ANKFN1: variants seen among roughly 807,000 people sequenced by gnomAD.
ANKFN1 encodes ankyrin repeat and fibronectin type-III domain-containing protein 1.
A neutral mutation model predicts 108.7 loss-of-function variants in ANKFN1; 74 were observed. The ratio of observed to expected loss-of-function variants is 0.68; its 90% CI spans 0.56 to 0.83. ANKFN1 has a LOEUF of 0.83. Among genes scored for constraint, ANKFN1 ranks in the 40% least tolerant of loss-of-function variants. The pLI is 0.00. For missense variants in ANKFN1, 1,505 were observed against 1,382.3 expected, an observed-to-expected ratio of 1.09 and a Z score of -1.41; for synonymous variants, 547 against 516.2, an observed-to-expected ratio of 1.06 and a Z score of -0.81.
intron 4 of ANKFN1, among the ~76,000 whole-genome samples, chr17:56,343,780 C>T (rs531241408): frequency 6.6e-6 from 1 of 152,068 alleles, no homozygotes; most frequent in South Asian, 2.1e-4. Flanking sequence ...TTTCACTCCT[C>T]ATACTGGATA....
intron 19 of ANKFN1, among the ~76,000 whole-genome samples, chr17:56,494,665 G>C (rs2051142185): frequency 6.6e-6 from 1 of 152,054 alleles, no homozygotes; most frequent in Non-Finnish European, 1.5e-5. Context: ...TGATCTCTGG[G>C]GACCTCAATT....
intron 8 of ANKFN1, among the ~76,000 whole-genome samples, chr17:56,439,698 G>A (rs1598611918): frequency 6.6e-6 from 1 of 152,146 alleles, no homozygotes; most frequent in African/African-American, 2.4e-5. Flanking sequence ...AAAAGAAGGT[G>A]TCAAATGATG....
At chr17:56,250,684 G>T (rs1265319669) in intron 3 of ANKFN1, among the ~76,000 whole-genome samples, 3 of 152,152 alleles carry the variant, frequency 2.0e-5, no homozygotes, top group African/African-American at 7.2e-5. Flanking sequence ...AGTTGATTAG[G>T]AAATATGGTG....
intron 6 of ANKFN1, chr17:56,367,981 AG>A (rs914913710): frequency 4.8e-5 from 11 of 230,974 alleles, no homozygotes; most frequent in Non-Finnish European, 9.8e-5. Flanking sequence ...GTTTAGATGA[AG>A]ATCATGAATA....
chr17:56,393,231 A>G (rs779453644), intron 8 of ANKFN1, among the ~76,000 whole-genome samples: 1 of 152,086 alleles, frequency 6.6e-6, no homozygotes, highest in Non-Finnish European at 1.5e-5. Flanking sequence ...AACTCTTCCT[A>G]CCTAACATCA....
chr17:56,156,907 GC>G (rs1425074451), intron 1 of ANKFN1, among the ~76,000 whole-genome samples: 1 of 152,154 alleles, frequency 6.6e-6, no homozygotes, highest in Non-Finnish European at 1.5e-5. Flanking sequence ...AGACAGTGTA[GC>G]CCCAAAAAGC....
intron 4 of ANKFN1, among the ~76,000 whole-genome samples, chr17:56,136,032 G>T (rs1362115227): frequency 6.6e-6 from 1 of 152,150 alleles, no homozygotes; most frequent in African/African-American, 2.4e-5. Flanking sequence ...AACAATAAAA[G>T]AGATTTTTAG....
At chr17:56,336,151 A>G (rs1222732366) in intron 4 of ANKFN1, among the ~76,000 whole-genome samples, 1 of 152,184 alleles carries the variant, frequency 6.6e-6, no homozygotes, top group African/African-American at 2.4e-5. Context: ...ATCGATGTTC[A>G]TCAGGGATAT....
At chr17:56,137,262 G>T (rs1400606149) in intron 4 of ANKFN1, among the ~76,000 whole-genome samples, 1 of 152,182 alleles carries the variant, frequency 6.6e-6, no homozygotes, top group Non-Finnish European at 1.5e-5. Context: ...GGCTTTGGAG[G>T]TTTGTGGATG....
At chr17:56,087,824 A>G (rs548707242) in intron 4 of ANKFN1, among the ~76,000 whole-genome samples, 9 of 151,532 alleles carry the variant, frequency 5.9e-5, no homozygotes, top group Admixed American at 1.3e-4. Flanking sequence ...TTGGCACTGC[A>G]ATGTCAGGGT....
At chr17:56,317,117 C>CAG (rs1253020240) in intron 3 of ANKFN1, among the ~76,000 whole-genome samples, 1 of 152,088 alleles carries the variant, frequency 6.6e-6, no homozygotes, top group Non-Finnish European at 1.5e-5. Context: ...TTCTTTGTGG[C>CAG]AGAGAAGTTC....
chr17:56,333,922 C>T (rs911612371), intron 4 of ANKFN1, among the ~76,000 whole-genome samples: 3 of 152,094 alleles, frequency 2.0e-5, no homozygotes, highest in African/African-American at 4.8e-5. Flanking sequence ...ACCAGCCCAC[C>T]TTTGACCAAC....
chr17:56,261,458 G>A (rs1373711963), intron 3 of ANKFN1, among the ~76,000 whole-genome samples: 1 of 151,660 alleles, frequency 6.6e-6, no homozygotes, highest in Non-Finnish European at 1.5e-5. Context: ...ATGAAAGGGA[G>A]TTTATTAAGG....
At position 56,430,853 on chromosome 17, in the gene ANKFN1, T is replaced by A. The variant is rs186520352; in HGVS notation, c.911-9474T>A. Among the ~76,000 whole-genome samples, 5 of 152,294 alleles carry A rather than the reference T, an allele frequency of 3.3e-5. No homozygotes were observed. The East Asian group carries it at 9.6e-4, about 29-fold the overall frequency. The stretch of plus-strand genomic sequence containing the variant: ...TACTGTGCTACAAAGGAACAGTATT[T>A]GGTGCTCTGAGAGGATATACCAGGA... On this transcript the variant is annotated intron_variant, in intron 8 of 20. Transcript: ENST00000682825.
chr17:56,273,254 T>C (rs1403670996), intron 3 of ANKFN1, among the ~76,000 whole-genome samples: 1 of 152,206 alleles, frequency 6.6e-6, no homozygotes, highest in Non-Finnish European at 1.5e-5. Flanking sequence ...ATTTTCATTG[T>C]TATAAACAGC....
At chr17:56,385,315 T>C (rs953358056) in intron 8 of ANKFN1, among the ~76,000 whole-genome samples, 1 of 152,122 alleles carries the variant, frequency 6.6e-6, no homozygotes, top group Admixed American at 6.6e-5. Context: ...ATATAAAAAT[T>C]AATTCAAGAT....
At chr17:56,169,712 A>G (rs1286984351) in intron 1 of ANKFN1, among the ~76,000 whole-genome samples, 1 of 152,152 alleles carries the variant, frequency 6.6e-6, no homozygotes, top group African/African-American at 2.4e-5. Context: ...TAGAGATCCC[A>G]GGAGACAGCG....
chr17:56,212,887 G>A (rs189667095), intron 2 of ANKFN1, among the ~76,000 whole-genome samples: 45 of 152,278 alleles, frequency 3.0e-4, no homozygotes, highest in Admixed American at 8.5e-4. Flanking sequence ...GGTCTCAGCA[G>A]CACATTTACT....
rs768200056 is a variant in ANKFN1, at chr17:56,055,596, T to TATAC, written c.288+9272_288+9273insTACA. Among the ~76,000 whole-genome samples the TATAC allele has an allele frequency of 4.7e-3, 608 of 130,614 alleles. 20 individuals carry two copies. The highest frequency in any genetic ancestry group is 8.2e-3 in the Admixed American group (108 of 13,186). The allele number at this position is 130,614 out of a possible 152,430, so 85.7% of individuals were successfully genotyped here. A position where few individuals can be genotyped will look rare whatever the true frequency, so the allele number is the denominator to read the frequency against. Reference sequence around the variant, plus strand: ...ATATATATATATATATATGTATATATACACATTTTTTTATCCAGTCAATCA... The same window carrying TATAC: ...ATATATATATATATATATGTATATATATACACACATTTTTTTATCCAGTCAATCA... On this transcript the variant is annotated intron_variant, in intron 4 of 12. Transcript: ENST00000635860.
Sources: allele counts gnomAD v4.1 joint callset (sites outside exome capture counted in the v4.1 genomes callset), GRCh38; gene constraint gnomAD v4.1.1; transcripts MANE v1.5; gene names NCBI Gene and HGNC (gene_info 2026-07-23, HGNC 2026-07-21).